The following GRID2 variants were observed in gnomAD, a reference collection of about 807,000 sequenced individuals.
GRID2 encodes the protein glutamate receptor ionotropic, delta-2.
In GRID2, 33 loss-of-function variants were observed where a neutral mutation model predicts 114.8. The ratio of observed to expected loss-of-function variants is 0.29; its 90% CI spans 0.22 to 0.38. The LOEUF is 0.38. Among genes scored for constraint, GRID2 ranks in the 10% least tolerant of loss-of-function variants. The pLI, the probability that GRID2 is intolerant of heterozygous loss-of-function variation, is 1.00. For synonymous variants in GRID2, 505 were observed against 449.9 expected, an observed-to-expected ratio of 1.12 and a Z score of -1.55; for missense variants, 1,184 against 1,257.7, an observed-to-expected ratio of 0.94 and a Z score of 0.89.
At chr4:93,742,688 A>G (rs1731518579) in intron 14 of GRID2, among the ~76,000 whole-genome samples, 1 of 152,166 alleles carries the variant, frequency 6.6e-6, no homozygotes, top group Non-Finnish European at 1.5e-5. Context: ...TTGGGGCACA[A>G]TAAACCGAAC....
At chr4:92,929,231 A>T (rs922960750) in intron 2 of GRID2, among the ~76,000 whole-genome samples, 3 of 151,342 alleles carry the variant, frequency 2.0e-5, no homozygotes, top group African/African-American at 7.3e-5. Context: ...TTATTGTTGC[A>T]TGAATAAAAC....
intron 2 of GRID2, among the ~76,000 whole-genome samples, chr4:92,641,788 T>C (rs1378628623): frequency 4.0e-5 from 6 of 151,554 alleles, no homozygotes; most frequent in Non-Finnish European, 5.9e-5. Flanking sequence ...TGCCCCCTCC[T>C]TCTCCCTCCT....
chr4:93,451,659 A>G (rs1285765123), intron 10 of GRID2, among the ~76,000 whole-genome samples: 4 of 152,100 alleles, frequency 2.6e-5, no homozygotes, highest in Non-Finnish European at 5.9e-5. Context: ...GGGAGACTGA[A>G]GAGGAAGAAA....
chr4:92,401,590 A>T (rs1023494511), intron 1 of GRID2, among the ~76,000 whole-genome samples: 1 of 152,214 alleles, frequency 6.6e-6, no homozygotes, highest in African/African-American at 2.4e-5. Flanking sequence ...AATTATGTCT[A>T]CACTATACTG....
intron 1 of GRID2, among the ~76,000 whole-genome samples, chr4:92,316,104 C>A (rs1312912951): frequency 6.6e-6 from 1 of 150,956 alleles, no homozygotes; most frequent in Non-Finnish European, 1.5e-5. Flanking sequence ...ATAATCTCTG[C>A]AATCTGACAA....
At chr4:93,324,950 G>A (rs1290005496) in intron 8 of GRID2, among the ~76,000 whole-genome samples, 1 of 151,994 alleles carries the variant, frequency 6.6e-6, no homozygotes, top group African/African-American at 2.4e-5. Context: ...AGTCTTGCTA[G>A]CGGTCTATCA....
intron 2 of GRID2, among the ~76,000 whole-genome samples, chr4:93,080,767 T>C (rs1729788675): frequency 6.6e-6 from 1 of 152,190 alleles, no homozygotes; most frequent in African/African-American, 2.4e-5. Context: ...TAATCCCTTC[T>C]GTGCTGCTAT....
intron 9 of GRID2, among the ~76,000 whole-genome samples, chr4:93,409,663 TTATC>T (rs1428824795): frequency 6.6e-6 from 1 of 152,170 alleles, no homozygotes; most frequent in Non-Finnish European, 1.5e-5. Context: ...CCCAAGTTCT[TTATC>T]AACCATGTAG....
At chr4:93,134,494 A>G (rs542689425) in intron 4 of GRID2, among the ~76,000 whole-genome samples, 4 of 152,284 alleles carry the variant, frequency 2.6e-5, no homozygotes, top group African/African-American at 4.8e-5. Flanking sequence ...AATAACTATC[A>G]CAACATGAAA....
chr4:92,990,189 T>C (rs1754779415), intron 2 of GRID2, among the ~76,000 whole-genome samples: 1 of 138,728 alleles, frequency 7.2e-6, no homozygotes, highest in Non-Finnish European at 1.5e-5. Context: ...GCATTCATCT[T>C]AACATTTTCT....
chr4:93,410,102 T>G (rs190687917), intron 9 of GRID2, among the ~76,000 whole-genome samples: 20 of 152,288 alleles, frequency 1.3e-4, no homozygotes, highest in African/African-American at 4.8e-4. Context: ...CCCTCAAGTT[T>G]CAGTTCTCTC....
At chr4:92,499,503 T>G (rs1357936116) in intron 1 of GRID2, among the ~76,000 whole-genome samples, 1 of 152,212 alleles carries the variant, frequency 6.6e-6, no homozygotes, top group East Asian at 1.9e-4. Context: ...CTCTTCTATA[T>G]TTAGAATTAT....
intron 2 of GRID2, among the ~76,000 whole-genome samples, chr4:92,912,037 A>G (rs111928872): frequency 4.6e-5 from 7 of 151,858 alleles, no homozygotes. Context: ...GAATTTTTTC[A>G]TAAATAATAG....
intron 4 of GRID2, among the ~76,000 whole-genome samples, chr4:93,148,826 A>G (rs756288993): frequency 3.9e-5 from 6 of 152,194 alleles, no homozygotes; most frequent in Non-Finnish European, 8.8e-5. Flanking sequence ...TGTGGTAGAT[A>G]TGTAATAAAT....
chr4:92,411,118 TCTTA>T (rs1270644790), intron 1 of GRID2, among the ~76,000 whole-genome samples: 2 of 152,166 alleles, frequency 1.3e-5, no homozygotes, highest in African/African-American at 4.8e-5. Flanking sequence ...TGTGGTGGGT[TCTTA>T]CTTGTTATTA....
chr4:93,791,738 C>T (rs917310345), intron 1 of GRID2, among the ~76,000 whole-genome samples: 2 of 152,150 alleles, frequency 1.3e-5, no homozygotes, highest in African/African-American at 4.8e-5. Flanking sequence ...ACACGGGCCT[C>T]CTCCTCTAGT....
intron 14 of GRID2, among the ~76,000 whole-genome samples, chr4:93,699,867 C>A (rs1335655708): frequency 6.6e-6 from 1 of 152,012 alleles, no homozygotes; most frequent in East Asian, 1.9e-4. Flanking sequence ...ACTGGGACTC[C>A]AAAATTATTG....
Position 93,270,304 on chromosome 4 carries a change from T to C in GRID2, c.1245+31814T>C, listed in dbSNP as rs181731202. On this transcript the variant is annotated intron_variant, in intron 8 of 15. Coordinates refer to ENST00000282020, the MANE Select transcript of GRID2 (RefSeq NM_001510.4). Reference sequence around the variant, plus strand: ...AATACAAATGTAAAAGGGTGGCAAATGAAAAAGTTTAAGTTGTAGCAATAA... The same window carrying C: ...AATACAAATGTAAAAGGGTGGCAAACGAAAAAGTTTAAGTTGTAGCAATAA... 1.2e-3 allele frequency among the ~76,000 whole-genome samples: 179 copies of C among 147,896 alleles called. 3 individuals carry two copies. Among genetic ancestry groups the C allele is most frequent in the African/African-American group, 4.4e-3 (177 of 40,186 alleles).
At chr4:92,335,216 G>A (rs1384916521) in intron 1 of GRID2, among the ~76,000 whole-genome samples, 1 of 152,188 alleles carries the variant, frequency 6.6e-6, no homozygotes, top group Admixed American at 6.5e-5. Context: ...CAGAATAAGA[G>A]TGGTATATTA....
Sources: allele counts gnomAD v4.1 joint callset (sites outside exome capture counted in the v4.1 genomes callset), GRCh38; gene constraint gnomAD v4.1.1; transcripts MANE v1.5; gene names NCBI Gene and HGNC (gene_info 2026-07-23, HGNC 2026-07-21).